Variants in PDE4D observed in about 807,000 individuals in gnomAD.
PDE4D encodes phosphodiesterase 4D, also known as 3',5'-cyclic-AMP phosphodiesterase 4D.
A neutral mutation model predicts 87.4 loss-of-function variants in PDE4D; 24 were observed. That is an observed-to-expected ratio of 0.27 (90% CI 0.20 to 0.39). PDE4D has a LOEUF of 0.39. PDE4D is among the 10% of genes least tolerant of loss of function. PDE4D has a pLI of 1.00. For synonymous variants in PDE4D, 384 were observed against 383.2 expected (o/e 1.00, Z -0.02); for missense variants, 714 against 1,041.0 (o/e 0.69, Z 4.32).
chr5:59,341,561 C>A (rs936379474), intron 1 of PDE4D, among the ~76,000 whole-genome samples: 27 of 152,138 alleles, frequency 1.8e-4, no homozygotes, highest in African/African-American at 6.3e-4. Context: ...GTTCTTAACA[C>A]TGAAAGTTTT....
intron 1 of PDE4D, among the ~76,000 whole-genome samples, chr5:59,395,806 C>A (rs1253580734): frequency 3.3e-5 from 4 of 120,294 alleles, no homozygotes; most frequent in Non-Finnish European, 7.1e-5. Context: ...GACATTCAAA[C>A]CAAAGGCAAA....
intron 5 of PDE4D, among the ~76,000 whole-genome samples, chr5:59,176,382 G>C (rs998439638): frequency 3.3e-5 from 5 of 152,000 alleles, no homozygotes; most frequent in Admixed American, 6.6e-5. Context: ...GTGAAACCCT[G>C]TCTCTACTAA....
At chr5:59,152,600 C>A (rs1295890096) in intron 5 of PDE4D, among the ~76,000 whole-genome samples, 1 of 151,978 alleles carries the variant, frequency 6.6e-6, no homozygotes, top group East Asian at 1.9e-4. Flanking sequence ...ACCGGTCATC[C>A]AAAAAACGGT....
At chr5:60,322,414 AC>A (rs1241126317) in intron 1 of PDE4D, among the ~76,000 whole-genome samples, 3 of 140,964 alleles carry the variant, frequency 2.1e-5, no homozygotes, top group Admixed American at 7.0e-5. Flanking sequence ...ACACACACAC[AC>A]AAAACCCTAA....
intron 1 of PDE4D, among the ~76,000 whole-genome samples, chr5:59,409,248 A>G (rs6892879): frequency 0.17 from 26,170 of 152,082 alleles, 3,044 homozygotes; most frequent in African/African-American, 0.32. Flanking sequence ...CAGGCTCATA[A>G]GTGGGAGGAA....
At chr5:59,431,744 T>A (rs1402734689) in intron 1 of PDE4D, among the ~76,000 whole-genome samples, 3 of 152,222 alleles carry the variant, frequency 2.0e-5, no homozygotes, top group Non-Finnish European at 4.4e-5. Context: ...TTAAACCCAG[T>A]ACCCAATAGT....
chr5:59,167,584 A>G (rs1782103930), intron 5 of PDE4D, among the ~76,000 whole-genome samples: 1 of 152,178 alleles, frequency 6.6e-6, no homozygotes, highest in African/African-American at 2.4e-5. Flanking sequence ...TCAGTCTCTA[A>G]GCTAACACTG....
At chr5:60,465,631 A>G (rs533553850) in intron 1 of PDE4D, among the ~76,000 whole-genome samples, 1 of 152,332 alleles carries the variant, frequency 6.6e-6, no homozygotes, top group South Asian at 2.1e-4. Flanking sequence ...AATATCTGAT[A>G]TTATAATTAC....
intron 1 of PDE4D, among the ~76,000 whole-genome samples, chr5:60,507,502 A>G (rs1249913776): frequency 6.6e-6 from 1 of 152,182 alleles, no homozygotes. Flanking sequence ...GCTTTCTTAG[A>G]ATATATTATT....
intron 5 of PDE4D, among the ~76,000 whole-genome samples, chr5:59,137,209 C>G (rs1392570615): frequency 5.9e-5 from 9 of 152,174 alleles, no homozygotes; most frequent in Admixed American, 5.9e-4. Context: ...TCCTTTGGTA[C>G]AAAGATTTCT....
At chr5:60,497,667 G>T (rs1749878590) in intron 1 of PDE4D, among the ~76,000 whole-genome samples, 1 of 152,140 alleles carries the variant, frequency 6.6e-6, no homozygotes, top group Non-Finnish European at 1.5e-5. Flanking sequence ...GCCTCCCAAA[G>T]TATTTAGATT....
intron 3 of PDE4D, among the ~76,000 whole-genome samples, chr5:59,920,417 T>C (rs143837339): frequency 7.4e-4 from 112 of 152,374 alleles, no homozygotes; most frequent in Non-Finnish European, 1.4e-3. Context: ...GAATGTACAA[T>C]TCTCCTTTAA....
chr5:59,666,192 C>T (rs1746052118), intron 1 of PDE4D, among the ~76,000 whole-genome samples: 1 of 152,140 alleles, frequency 6.6e-6, no homozygotes. Context: ...AACTCCTGAC[C>T]TCAGGTGATC....
chr5:59,050,270 A>G (rs74564388), intron 5 of PDE4D, among the ~76,000 whole-genome samples: 5,049 of 152,300 alleles, frequency 0.033, 124 homozygotes, highest in Middle Eastern at 0.044. Context: ...TCTGTCCCAA[A>G]AAAAGAGAAA....
chr5:60,157,182 T>C (rs945929587), intron 2 of PDE4D, among the ~76,000 whole-genome samples: 4 of 152,218 alleles, frequency 2.6e-5, no homozygotes, highest in African/African-American at 9.6e-5. Context: ...AAATCATTGT[T>C]GGTAGATGAA....
intron 1 of PDE4D, among the ~76,000 whole-genome samples, chr5:59,732,511 G>T (rs377007016): frequency 3.3e-5 from 5 of 150,742 alleles, no homozygotes; most frequent in East Asian, 3.9e-4. Context: ...TGATCAGCAA[G>T]TTTTTTTTTG....
At chr5:59,179,000 A>G (rs1487171711) in intron 5 of PDE4D, among the ~76,000 whole-genome samples, 1 of 152,074 alleles carries the variant, frequency 6.6e-6, no homozygotes, top group Non-Finnish European at 1.5e-5. Flanking sequence ...CCGGTTCCAC[A>G]CCTCCAACTC....
At chr5:59,031,270 A>G (rs924888870) in intron 6 of PDE4D, among the ~76,000 whole-genome samples, 1 of 151,314 alleles carries the variant, frequency 6.6e-6, no homozygotes, top group African/African-American at 2.4e-5. Flanking sequence ...TCAAAAAGAT[A>G]TTTGCACTCC....
intron 1 of PDE4D, among the ~76,000 whole-genome samples, chr5:60,336,722 G>A (rs57237852): frequency 0.25 from 38,656 of 151,926 alleles, 5,384 homozygotes; most frequent in East Asian, 0.48. Context: ...AGGATCCATG[G>A]TCTCTTCTTG....
Sources: allele counts gnomAD v4.1 joint callset (sites outside exome capture counted in the v4.1 genomes callset), GRCh38; gene constraint gnomAD v4.1.1; transcripts MANE v1.5; gene names NCBI Gene and HGNC (gene_info 2026-07-23, HGNC 2026-07-21).